The following IL23R variants were observed in gnomAD, a reference collection of about 807,000 sequenced individuals.
IL23R encodes the protein interleukin 23 receptor.
IL23R carries 34 observed loss-of-function variants against 56.9 expected under a neutral mutation model. The ratio of observed to expected loss-of-function variants is 0.60; its 90% CI spans 0.45 to 0.80. The LOEUF is 0.80. Ranked by LOEUF, IL23R falls within the 30% of genes least tolerant of loss-of-function variation. The pLI, the probability that IL23R is intolerant of heterozygous loss-of-function variation, is 0.00. For synonymous variants in IL23R, 230 were observed against 249.2 expected, an observed-to-expected ratio of 0.92 and a Z score of 0.73; for missense variants, 635 against 730.0, an observed-to-expected ratio of 0.87 and a Z score of 1.50.
At chr1:67,156,532 A>G (rs1018564720) in intron 1 of IL23R, among the ~76,000 whole-genome samples, 3 of 152,116 alleles carry the variant, frequency 2.0e-5, no homozygotes, top group Non-Finnish European at 4.4e-5. Context: ...GAATCTAGAG[A>G]AGCACCCTGG....
At chr1:67,236,919 T>C in intron 8 of IL23R, 117 bp downstream of exon 8, 12 of 718,082 alleles carry the variant, frequency 1.7e-5, no homozygotes, top group South Asian at 1.5e-4. Context: ...ATATGCCTTA[T>C]GTCTTCCATA....
At chr1:67,207,085 T>C (rs757898054) in intron 6 of IL23R, 30 bp downstream of exon 6, 5 of 1,609,656 alleles carry the variant, frequency 3.1e-6, no homozygotes, top group South Asian at 2.2e-5. Context: ...TGCTTTAGCA[T>C]GTGAATGAAT....
At position 67,169,654 on chromosome 1, in the gene IL23R, C is replaced by T. The variant is rs774019668; in HGVS notation, c.367+16C>T. ...TCTTCTGGATGTAAGTGTTGGGGCA[C>T]ATTTGAAATGCAAACAAAAGCTAGT... On this transcript the variant is annotated intron_variant, in intron 3 of 10. Coordinates refer to ENST00000347310, the MANE Select transcript of IL23R (RefSeq NM_144701.3). 4.3e-6 allele frequency: 7 copies of T among 1,610,430 alleles called. No homozygotes were observed. In the South Asian group the frequency reaches 7.7e-5, roughly 18 times the overall value.
chr1:67,160,862 T>C (rs1262637038), intron 1 of IL23R, among the ~76,000 whole-genome samples: 3 of 152,162 alleles, frequency 2.0e-5, no homozygotes, highest in Non-Finnish European at 2.9e-5. Context: ...CAGAGCTCTA[T>C]TCTTTATCTG....
intron 4 of IL23R, among the ~76,000 whole-genome samples, chr1:67,193,418 C>T (rs1172080027): frequency 1.3e-5 from 2 of 152,050 alleles, no homozygotes; most frequent in Admixed American, 6.6e-5. Flanking sequence ...TAAAAATATA[C>T]TTGGAATATA....
At position 67,258,686 on chromosome 1, in the gene IL23R, G is replaced by T. The variant is rs1421853018; in HGVS notation, c.1448G>T (p.Gly483Val). ...TVVYIPDLNT[G>V]YKPQISNFLP... The stretch of plus-strand genomic sequence containing the variant: ...GTATATATTCCTGATCTCAACACTG[G>T]ATATAAACCCCAAATTTCAAATTTT... The change falls in exon 11 of 11, where the codon GGA (glycine) becomes GTA (valine). Residue 483 changes from glycine (G) to valine (V), a missense_variant. Physicochemically the swap from Gly to Val is moderately radical, Grantham distance 109. Coordinates refer to ENST00000347310, the MANE Select transcript of IL23R (RefSeq NM_144701.3). The T allele has an allele frequency of 2.5e-6, 4 of 1,613,624 alleles. No individual in the cohort carries two copies. The highest frequency in any genetic ancestry group is 1.6e-4 in the Middle Eastern group (1 of 6,078).
At chr1:67,143,034 T>TTAGA (rs139061890) in intron 1 of IL23R, among the ~76,000 whole-genome samples, 4,141 of 152,316 alleles carry the variant, frequency 0.027, 62 homozygotes, top group East Asian at 0.076. Flanking sequence ...GACAACTTTC[T>TTAGA]TAGATAGTGA....
intron 7 of IL23R, among the ~76,000 whole-genome samples, chr1:67,230,823 T>G (rs1043683187): frequency 1.3e-5 from 2 of 152,236 alleles, no homozygotes; most frequent in African/African-American, 4.8e-5. Flanking sequence ...GCATTAGTTT[T>G]GCCTTGCTAA....
chr1:67,261,505 G>A (rs1215912149), downstream of IL23R, among the ~76,000 whole-genome samples: 1 of 149,928 alleles, frequency 6.7e-6, no homozygotes, highest in Non-Finnish European at 1.5e-5. Flanking sequence ...CCTAAAATAT[G>A]TATATATTTT....
rs372792601 is a variant in IL23R, at chr1:67,228,743, A to C, written c.956-7970A>C. On this transcript the variant is annotated intron_variant, in intron 7 of 10. Transcript: ENST00000347310. ...TTTCTATATTCTAGAGGCTGCCTACATTCCTCAGCTCATGGCTCCATCCTT... is the reference window on the plus strand; with the variant it reads ...TTTCTATATTCTAGAGGCTGCCTACCTTCCTCAGCTCATGGCTCCATCCTT... Among the ~76,000 whole-genome samples the C allele has an allele frequency of 1.4e-4, 21 of 152,164 alleles. No homozygotes were observed. The South Asian group carries it at 3.1e-3, about 23-fold the overall frequency.
chr1:67,242,929 C>T (rs1223866739), intron 9 of IL23R, among the ~76,000 whole-genome samples: 3 of 152,046 alleles, frequency 2.0e-5, no homozygotes, highest in Non-Finnish European at 4.4e-5. Context: ...GCCAAATGTA[C>T]CTGAAGCTTT....
chr1:67,186,823 GT>G (rs1217808676), intron 4 of IL23R, among the ~76,000 whole-genome samples: 1 of 152,098 alleles, frequency 6.6e-6, no homozygotes, highest in Non-Finnish European at 1.5e-5. Context: ...GTTTCACCAT[GT>G]TGCCCAGGCT....
chr1:67,163,813 G>A (rs1355246422), upstream of IL23R, among the ~76,000 whole-genome samples: 1 of 152,168 alleles, frequency 6.6e-6, no homozygotes, highest in Admixed American at 6.5e-5. Flanking sequence ...TGCTTGCACC[G>A]GCTATAGAAC....
intron 9 of IL23R, among the ~76,000 whole-genome samples, chr1:67,243,461 C>G (rs1651988851): frequency 6.6e-6 from 1 of 151,988 alleles, no homozygotes; most frequent in Non-Finnish European, 1.5e-5. Flanking sequence ...CCTCCCCCAG[C>G]CTCCTACCCC....
chr1:67,260,149 C>T (rs1050098222), downstream of IL23R, among the ~76,000 whole-genome samples: 2 of 151,584 alleles, frequency 1.3e-5, no homozygotes, highest in African/African-American at 2.4e-5. Context: ...ATTTTTTTCC[C>T]CTACTCTCCA....
chr1:67,167,769 G>A (rs1646890949), intron 1 of IL23R, among the ~76,000 whole-genome samples: 1 of 152,164 alleles, frequency 6.6e-6, no homozygotes, highest in African/African-American at 2.4e-5. Flanking sequence ...TTAACTCAGA[G>A]GAGGAGGTTT....
At chr1:67,251,866 C>T (rs1162429191) in intron 9 of IL23R, among the ~76,000 whole-genome samples, 1 of 152,176 alleles carries the variant, frequency 6.6e-6, no homozygotes, top group Admixed American at 6.5e-5. Context: ...CTTGCAAAAG[C>T]TTTTAACTAC....
intron 4 of IL23R, among the ~76,000 whole-genome samples, chr1:67,186,085 T>C (rs1647307410): frequency 6.6e-6 from 1 of 152,198 alleles, no homozygotes; most frequent in South Asian, 2.1e-4. Flanking sequence ...CCCTTGCCTA[T>C]AGGGTAAAGT....
intron 6 of IL23R, among the ~76,000 whole-genome samples, chr1:67,213,248 A>G (rs866924887): frequency 6.6e-6 from 1 of 152,056 alleles, no homozygotes; most frequent in African/African-American, 2.4e-5. Flanking sequence ...CCCTTATATC[A>G]TGTGTTTGTT....
Sources: allele counts gnomAD v4.1 joint callset (sites outside exome capture counted in the v4.1 genomes callset), GRCh38; gene constraint gnomAD v4.1.1; transcripts MANE v1.5; gene names NCBI Gene and HGNC (gene_info 2026-07-23, HGNC 2026-07-21).